The following NETO1 variants were observed in gnomAD, a reference collection of about 807,000 sequenced individuals.
NETO1 encodes the protein neuropilin and tolloid-like protein 1.
A neutral mutation model predicts 61.3 loss-of-function variants in NETO1; 26 were observed. The ratio of observed to expected loss-of-function variants is 0.42; its 90% confidence interval spans 0.31 to 0.59. NETO1 has a LOEUF of 0.59. Ranked by LOEUF, NETO1 falls within the 20% of genes least tolerant of loss-of-function variation. The probability of loss-of-function intolerance (pLI) is 0.12; values close to 1 mark genes in which losing one functional copy is unlikely to be tolerated. For synonymous variants in NETO1, 225 were observed against 225.8 expected, an observed-to-expected ratio of 1.00 and a Z score of 0.03; for missense variants, 531 against 662.8, an observed-to-expected ratio of 0.80 and a Z score of 2.18.
chr18:72,772,210 A>G (rs1183389535), intron 7 of NETO1, among the ~76,000 whole-genome samples: 1 of 152,114 alleles, frequency 6.6e-6, no homozygotes, highest in Non-Finnish European at 1.5e-5. Flanking sequence ...AGTGTTCACT[A>G]CAGTTAAAAA....
Position 72,756,090 on chromosome 18 carries a change from A to G in NETO1, c.926T>C (p.Leu309Ser), listed in dbSNP as rs1457117732. 1 of 1,611,366 alleles carries G rather than the reference A, an allele frequency of 6.2e-7. No individual in the cohort carries two copies. The highest frequency in any genetic ancestry group is 8.5e-7 in the Non-Finnish European group (1 of 1,177,716). Residue 309 changes from leucine to serine, a missense_variant, in exon 8 of 11, where the codon TTG becomes TCG. Transcript: ENST00000327305. ...ACAGTTCTGGAGTCCATTGCAGACC[A>G]AAGTATTATTAATACACATGTTACT... ...CHSNMCINNTLVCNGLQNCVY... is the reference protein window; with the variant it reads ...CHSNMCINNTSVCNGLQNCVY...
chr18:72,801,922 C>G (rs534092132), intron 4 of NETO1, among the ~76,000 whole-genome samples: 2 of 152,038 alleles, frequency 1.3e-5, no homozygotes, highest in Non-Finnish European at 2.9e-5. Context: ...CACAGTCACA[C>G]CATCTATTTC....
At position 72,750,423 on chromosome 18, in the gene NETO1, CATA is replaced by C. The variant is rs1158726864; in HGVS notation, c.1177_1179del (p.Tyr393del). ...CCTGTCCCTCTGAGAGTGCATAACTCATAATGAGGAGGTTCAAATACCTCCTGG... is the reference window on the plus strand; with the variant it reads ...CCTGTCCCTCTGAGAGTGCATAACTCATGAGGAGGTTCAAATACCTCCTGG... On this transcript the variant is annotated inframe_deletion, in exon 9 of 11. Coordinates refer to ENST00000327305, the MANE Select transcript of NETO1 (RefSeq NM_138966.5). The C allele has an allele frequency of 6.2e-7, 1 of 1,613,966 alleles. No homozygotes were observed. The highest frequency in any genetic ancestry group is 8.5e-7 in the Non-Finnish European group (1 of 1,180,006).
At chr18:72,865,769 A>T (rs1161461922) in intron 1 of NETO1, 1 of 1,356,458 alleles carries the variant, frequency 7.4e-7, no homozygotes, top group African/African-American at 1.5e-5. Flanking sequence ...GAAACAGATT[A>T]ATGTGGATTG....
chr18:72,779,327 T>C (rs2071661283), intron 7 of NETO1, among the ~76,000 whole-genome samples: 1 of 151,318 alleles, frequency 6.6e-6, no homozygotes, highest in Non-Finnish European at 1.5e-5. Context: ...TAATATACAT[T>C]AATGTAATTG....
chr18:72,824,786 C>A, intron 4 of NETO1, among the ~76,000 whole-genome samples: 1 of 151,712 alleles, frequency 6.6e-6, no homozygotes, highest in Non-Finnish European at 1.5e-5. Flanking sequence ...GGCTAAGGCA[C>A]CAGAATCACT....
In NETO1 at chr18:72,794,376, C is replaced by G. The variant is rs1599012826; in HGVS notation, c.498G>C (p.Leu166Phe). 6.2e-7 allele frequency: 1 copy of G among 1,612,676 alleles called. No individual in the cohort carries two copies. Among genetic ancestry groups the G allele is most frequent in the Non-Finnish European group, 8.5e-7 (1 of 1,179,730 alleles). Reference sequence around the variant, plus strand: ...TATTTTACCAACCTGGTAATGGTTTCAAAGCTCCAAGGTCCTTAAAGTCAG... The same window carrying G: ...TATTTTACCAACCTGGTAATGGTTTGAAAGCTCCAAGGTCCTTAAAGTCAG... ...PDPDFKDLGA[L>F]KPLPACEFEM... is the part of the protein sequence containing the mutation. Residue 166 changes from leucine to phenylalanine, a missense_variant, in exon 5 of 11, where the codon TTG becomes TTC. Leu to Phe is a conservative substitution (Grantham distance 22, BLOSUM62 0). Coordinates refer to ENST00000327305, the MANE Select transcript of NETO1 (RefSeq NM_138966.5).
chr18:72,763,600 A>ACACACAC (rs35945865), intron 7 of NETO1, among the ~76,000 whole-genome samples: 9 of 151,418 alleles, frequency 5.9e-5, no homozygotes, highest in Non-Finnish European at 1.2e-4. Context: ...CACACTCACA[A>ACACACAC]ACACACACAC....
intron 10 of NETO1, 44 bp downstream of exon 10, chr18:72,748,970 A>G: frequency 8.3e-7 from 1 of 1,208,138 alleles, no homozygotes; most frequent in Non-Finnish European, 1.2e-6. Flanking sequence ...GCAACAAAAC[A>G]GAATACGACA....
At chr18:72,843,481 A>G (rs2073995195) in intron 4 of NETO1, among the ~76,000 whole-genome samples, 1 of 152,216 alleles carries the variant, frequency 6.6e-6, no homozygotes, top group East Asian at 1.9e-4. Flanking sequence ...AGGTAGAAAT[A>G]AATGAGGCCA....
intron 4 of NETO1, among the ~76,000 whole-genome samples, chr18:72,831,791 G>A (rs566871461): frequency 1.7e-4 from 26 of 151,754 alleles, no homozygotes; most frequent in African/African-American, 2.7e-4. Flanking sequence ...TTTATTTCAC[G>A]CAAACTAAAT....
At chr18:72,823,958 A>T (rs1005927746) in intron 4 of NETO1, among the ~76,000 whole-genome samples, 6 of 152,182 alleles carry the variant, frequency 3.9e-5, no homozygotes, top group Admixed American at 3.9e-4. Context: ...CAAAATGAAA[A>T]ACCACTGGAG....
Position 72,809,732 on chromosome 18 carries a change from G to C in NETO1, c.470-15328C>G, listed in dbSNP as rs528716461. Among the ~76,000 whole-genome samples the C allele has an allele frequency of 8.5e-5, 13 of 152,190 alleles. No individual in the cohort carries two copies. The South Asian group carries it at 2.5e-3, about 29-fold the overall frequency. On this transcript the variant is annotated intron_variant, in intron 4 of 10. Transcript: ENST00000327305. Reference sequence around the variant, plus strand: ...CTGCACACTGCACTTATTTTTATTAGATAGCATTTAATGTTGAGATGAAAG... The same window carrying C: ...CTGCACACTGCACTTATTTTTATTACATAGCATTTAATGTTGAGATGAAAG...
At chr18:72,856,337 C>G (rs79197925) in intron 4 of NETO1, among the ~76,000 whole-genome samples, 3,699 of 152,150 alleles carry the variant, frequency 0.024, 116 homozygotes, top group East Asian at 0.1. Flanking sequence ...AAAAAAGTGA[C>G]GTAGTATAGG....
At chr18:72,838,120 A>T (rs902142923) in intron 4 of NETO1, among the ~76,000 whole-genome samples, 5 of 152,216 alleles carry the variant, frequency 3.3e-5, no homozygotes, top group Non-Finnish European at 7.3e-5. Flanking sequence ...AAGAAAAAGG[A>T]AACAAGCCTG....
At chr18:72,761,221 C>T (rs980984303) in intron 7 of NETO1, among the ~76,000 whole-genome samples, 10 of 152,242 alleles carry the variant, frequency 6.6e-5, no homozygotes, top group East Asian at 3.9e-4. Context: ...TAAGACTACA[C>T]GAGAATGCAT....
intron 4 of NETO1, among the ~76,000 whole-genome samples, chr18:72,857,581 A>G (rs1415469928): frequency 6.6e-6 from 1 of 152,230 alleles, no homozygotes; most frequent in Admixed American, 6.5e-5. Context: ...GGTACAGGTT[A>G]TATTCAAAAT....
At position 72,830,391 on chromosome 18, in the gene NETO1, A is replaced by G. The variant is rs781340727; in HGVS notation, c.469+28435T>C. 4.5e-4 allele frequency among the ~76,000 whole-genome samples: 69 copies of G among 152,244 alleles called. No homozygotes were observed. The highest frequency in any genetic ancestry group is 8.8e-4 in the Non-Finnish European group (60 of 68,046). On this transcript the variant is annotated intron_variant, in intron 4 of 10. Transcript: ENST00000327305. The surrounding 1 kb of genome is among the most constrained non-coding windows in gnomAD (Gnocchi z 4.9). Reference sequence around the variant, plus strand: ...AGGCCACAACTTCAGAGACATCAGTAGCGCCACATGTGTTTTCAGAAAAAT... The same window carrying G: ...AGGCCACAACTTCAGAGACATCAGTGGCGCCACATGTGTTTTCAGAAAAAT...
rs2070479800 is a variant in NETO1, at chr18:72,748,362, T to C, written c.*15-198A>G. 3 of 905,756 alleles carry C rather than the reference T, an allele frequency of 3.3e-6. No homozygotes were observed. In the South Asian group the frequency reaches 1.5e-4, roughly 46 times the overall value. The allele number at this position is 905,756 out of a possible 1,614,324, so 56.1% of individuals were successfully genotyped here. A position where few individuals can be genotyped will look rare whatever the true frequency, so the allele number is the denominator to read the frequency against. On this transcript the variant is annotated intron_variant, in intron 10 of 10. Coordinates refer to ENST00000327305, the MANE Select transcript of NETO1 (RefSeq NM_138966.5). ...ATTAGGCTAATATAGATATAAACAA[T>C]CAAGAGCAAAAAGTAAAGCCATTGT...
Sources: allele counts gnomAD v4.1 joint callset (sites outside exome capture counted in the v4.1 genomes callset), GRCh38; gene constraint gnomAD v4.1.1; non-coding constraint Gnocchi (gnomAD v3.1); transcripts MANE v1.5; gene names NCBI Gene and HGNC (gene_info 2026-07-23, HGNC 2026-07-21).